The following DUS2 variants were observed in gnomAD, a reference collection of about 807,000 sequenced individuals.
The protein encoded by DUS2 is tRNA-dihydrouridine(20) synthase [NAD(P)+]-like.
DUS2 carries 52 observed loss-of-function variants against 71.3 expected under a neutral mutation model. The observed-to-expected ratio is 0.73, with a 90% CI of 0.58 to 0.92. The LOEUF is 0.92. Among genes scored for constraint, DUS2 ranks in the 40% least tolerant of loss-of-function variants. The pLI, the probability that DUS2 is intolerant of heterozygous loss-of-function variation, is 0.00. For synonymous variants in DUS2, 204 were observed against 227.8 expected, an observed-to-expected ratio of 0.90 and a Z score of 0.94; for missense variants, 558 against 622.6, an observed-to-expected ratio of 0.90 and a Z score of 1.10.
intron 3 of DUS2, among the ~76,000 whole-genome samples, chr16:68,042,518 A>G (rs2033646116): frequency 6.6e-6 from 1 of 151,926 alleles, no homozygotes; most frequent in African/African-American, 2.4e-5. Flanking sequence ...CTACATCCTC[A>G]AAAATGCTTG....
intron 1 of DUS2, among the ~76,000 whole-genome samples, chr16:68,024,242 G>A (rs2033308682): frequency 1.3e-5 from 2 of 152,020 alleles, no homozygotes; most frequent in South Asian, 2.1e-4. Context: ...GACTACAGCC[G>A]TACACCACCC....
chr16:68,030,480 A>G (rs1263960705), intron 2 of DUS2, among the ~76,000 whole-genome samples: 2 of 151,952 alleles, frequency 1.3e-5, no homozygotes, highest in Non-Finnish European at 2.9e-5. Context: ...TGTCCCAGCT[A>G]ATCAGGAGGC....
intron 4 of DUS2, among the ~76,000 whole-genome samples, chr16:68,050,496 G>T (rs1283837178): frequency 6.6e-6 from 1 of 152,142 alleles, no homozygotes; most frequent in Admixed American, 6.5e-5. Context: ...TTATAGATCT[G>T]TGTAACCTAG....
At chr16:68,071,150 C>A in intron 12 of DUS2, 42 bp downstream of exon 12, 1 of 1,605,636 alleles carries the variant, frequency 6.2e-7, no homozygotes, top group Non-Finnish European at 8.5e-7. Flanking sequence ...TTCTCACTGT[C>A]TACCACACTC....
intron 2 of DUS2, chr16:68,037,782 C>G: frequency 3.3e-6 from 1 of 305,258 alleles, no homozygotes; most frequent in East Asian, 6.7e-5. Flanking sequence ...CGCCCATAAT[C>G]CCAGTTACTT....
intron 11 of DUS2, among the ~76,000 whole-genome samples, chr16:68,070,593 GC>G (rs978885985): frequency 4.6e-5 from 7 of 152,190 alleles, no homozygotes; most frequent in Non-Finnish European, 8.8e-5. Context: ...CATATAAGTG[GC>G]CCATTCAGCT....
At chr16:68,029,561 C>T (rs2033407600) in intron 2 of DUS2, among the ~76,000 whole-genome samples, 1 of 152,024 alleles carries the variant, frequency 6.6e-6, no homozygotes, top group Non-Finnish European at 1.5e-5. Context: ...ATTCTCCTGC[C>T]TCAGCCCCCC....
At chr16:68,072,532 G>A (rs2034101514) in intron 12 of DUS2, among the ~76,000 whole-genome samples, 1 of 152,236 alleles carries the variant, frequency 6.6e-6, no homozygotes, top group Non-Finnish European at 1.5e-5. Context: ...TTCAAGCATA[G>A]GCAGGGCTGC....
Position 68,079,071 on chromosome 16 carries a change from A to AC in DUS2, c.*86dup. ...CACAGCATGAACCAGATGCCGTTGAACAGTTTGCTGGTCTTGCCTGGCAGA... is the reference window on the plus strand; with the variant it reads ...CACAGCATGAACCAGATGCCGTTGAACCAGTTTGCTGGTCTTGCCTGGCAGA... On this transcript the variant is annotated 3_prime_UTR_variant, in exon 17 of 17. Transcript: ENST00000565263. 7.9e-7 allele frequency: 1 copy of AC among 1,260,668 alleles called. No homozygotes were observed. Among genetic ancestry groups the AC allele is most frequent in the Non-Finnish European group, 1.1e-6 (1 of 918,706 alleles). The allele number at this position is 1,260,668 out of a possible 1,614,324, so 78.1% of individuals were successfully genotyped here. A position where few individuals can be genotyped will look rare whatever the true frequency, so the allele number is the denominator to read the frequency against.
rs199830338 is a variant in DUS2, at chr16:68,066,313, G to A, written c.418-4G>A. ...TAGGTGCTCTTGTGTTTTCCTTTCT[G>A]CAGATCCTCAGCACTCTTGTTAAAG... On this transcript the variant is annotated splice_polypyrimidine_tract_variant and splice_region_variant and intron_variant, in intron 8 of 16. Transcript: ENST00000565263. 6.2e-7 allele frequency: 1 copy of A among 1,614,076 alleles called. No individual in the cohort carries two copies. The highest frequency in any genetic ancestry group is 1.7e-5 in the Admixed American group (1 of 60,006).
intron 8 of DUS2, among the ~76,000 whole-genome samples, chr16:68,062,425 A>C (rs933957973): frequency 3.3e-5 from 5 of 152,148 alleles, no homozygotes; most frequent in Non-Finnish European, 4.4e-5. Context: ...AATTTGCTTA[A>C]GATCATATAG....
rs1005340179 is a variant in DUS2, at chr16:68,074,044, A to G, written c.821A>G (p.Tyr274Cys). The G allele has an allele frequency of 1.9e-6, 3 of 1,614,160 alleles. No individual in the cohort carries two copies. Among genetic ancestry groups the G allele is most frequent in the South Asian group, 2.2e-5 (2 of 91,092 alleles). The change falls in exon 13 of 17, where the codon TAT (tyrosine) becomes TGT (cysteine). Residue 274 changes from tyrosine (Y) to cysteine (C), a missense_variant. Tyr to Cys is a radical substitution (Grantham distance 194). Transcript: ENST00000565263. Reference protein sequence around the residue: ...MQKYIRYAVQYDNHYTNTKYC... With the variant: ...MQKYIRYAVQCDNHYTNTKYC... Reference sequence around the variant, plus strand: ...CATTTCTTTTCTCAGGCGGTGCAGTATGACAACCACTACACCAACACCAAG... The same window carrying G: ...CATTTCTTTTCTCAGGCGGTGCAGTGTGACAACCACTACACCAACACCAAG...
At chr16:68,048,913 A>G (rs187919981) in intron 3 of DUS2, among the ~76,000 whole-genome samples, 1 of 152,214 alleles carries the variant, frequency 6.6e-6, no homozygotes, top group East Asian at 1.9e-4. Context: ...TCCATTTATG[A>G]TGTGATTTTG....
At chr16:68,027,519 A>G (rs1189611012) in intron 2 of DUS2, among the ~76,000 whole-genome samples, 3 of 152,358 alleles carry the variant, frequency 2.0e-5, no homozygotes, top group East Asian at 3.9e-4. Flanking sequence ...CTGGGATTAC[A>G]GGCGTGAGCC....
intron 15 of DUS2, 24 bp downstream of exon 15, chr16:68,076,743 C>G: frequency 6.3e-7 from 1 of 1,592,958 alleles, no homozygotes; most frequent in Non-Finnish European, 8.6e-7. Context: ...TGTGGCCTGC[C>G]CTGCAGCCAG....
chr16:68,044,881 C>T (rs898857233), intron 3 of DUS2, among the ~76,000 whole-genome samples: 2 of 152,212 alleles, frequency 1.3e-5, no homozygotes, highest in African/African-American at 4.8e-5. Flanking sequence ...CAACCTCTGC[C>T]TCCCGGGCTC....
chr16:68,033,967 C>T (rs1225434953), intron 2 of DUS2, among the ~76,000 whole-genome samples: 3 of 152,046 alleles, frequency 2.0e-5, no homozygotes, highest in African/African-American at 4.8e-5. Context: ...GGGGTTTCAC[C>T]ATGTTGCCCA....
chr16:68,035,394 T>C (rs1353559661), intron 2 of DUS2, among the ~76,000 whole-genome samples: 1 of 151,784 alleles, frequency 6.6e-6, no homozygotes, highest in Non-Finnish European at 1.5e-5. Context: ...TGTTTTCCTT[T>C]TTTTTTTTTC....
chr16:68,071,037 T>A lies in DUS2; in HGVS notation c.739T>A (p.Trp247Arg), dbSNP rs1251310761. 1 of 1,614,200 alleles carries A rather than the reference T, an allele frequency of 6.2e-7. No homozygotes were observed. Among genetic ancestry groups the A allele is most frequent in the Admixed American group, 1.7e-5 (1 of 60,028 alleles). ...SSVMVARAAM[W>R]NPSIFLKEGL... Reference sequence around the variant, plus strand: ...CGTGATGGTGGCCCGAGCAGCCATGTGGAACCCATCTATCTTCCTCAAGGA... The same window carrying A: ...CGTGATGGTGGCCCGAGCAGCCATGAGGAACCCATCTATCTTCCTCAAGGA... Residue 247 changes from tryptophan (W) to arginine (R), a missense_variant, in exon 12 of 17, where the codon TGG becomes AGG. Transcript: ENST00000565263.
Sources: gnomAD v4.1 joint callset for allele counts (sites outside exome capture counted in the v4.1 genomes callset) on GRCh38, gnomAD v4.1.1 for gene constraint, MANE v1.5 for transcripts, NCBI Gene and HGNC (gene_info 2026-07-23, HGNC 2026-07-21) for gene names.